The following LDB2 variants were observed in gnomAD, a reference collection of about 807,000 sequenced individuals.
LDB2 encodes LIM domain binding 2.
A neutral mutation model predicts 44.3 loss-of-function variants in LDB2; 12 were observed. That is an observed-to-expected ratio of 0.27 (90% confidence interval 0.17 to 0.44). LDB2 has a LOEUF of 0.44. LDB2 is among the 20% of genes least tolerant of loss of function. The pLI is 1.00. For missense variants in LDB2, 344 were observed against 473.5 expected (o/e 0.73, Z 2.54); for synonymous variants, 164 against 174.8 (o/e 0.94, Z 0.49).
chr4:16,791,491 G>T (rs1295146462), intron 1 of LDB2, among the ~76,000 whole-genome samples: 1 of 144,986 alleles, frequency 6.9e-6, no homozygotes, highest in East Asian at 2.1e-4. Context: ...GGAGGCGGAG[G>T]TTGCAGTGAG....
chr4:16,556,012 AT>A (rs1011880437), intron 5 of LDB2, among the ~76,000 whole-genome samples: 36 of 152,246 alleles, frequency 2.4e-4, no homozygotes, highest in African/African-American at 8.7e-4. Context: ...GAGGAGTATT[AT>A]GTTCTTCCCC....
At chr4:16,774,816 A>G (rs1398345230) in intron 1 of LDB2, among the ~76,000 whole-genome samples, 1 of 152,226 alleles carries the variant, frequency 6.6e-6, no homozygotes, top group Non-Finnish European at 1.5e-5. Context: ...ACCTAGTAAT[A>G]AAAGGTTACA....
At chr4:16,592,573 G>A (rs1490544992) in intron 3 of LDB2, among the ~76,000 whole-genome samples, 2 of 149,806 alleles carry the variant, frequency 1.3e-5, no homozygotes, top group East Asian at 3.9e-4. Flanking sequence ...AGAGTCAGGA[G>A]AAGAGAAGAA....
At chr4:16,537,844 C>T (rs762114751) in intron 5 of LDB2, among the ~76,000 whole-genome samples, 41 of 152,124 alleles carry the variant, frequency 2.7e-4, no homozygotes, top group Non-Finnish European at 4.3e-4. Flanking sequence ...GCTCCGGTTC[C>T]GCTTAGATGC....
At chr4:16,691,418 T>C (rs1376909692) in intron 2 of LDB2, among the ~76,000 whole-genome samples, 2 of 152,160 alleles carry the variant, frequency 1.3e-5, no homozygotes, top group African/African-American at 2.4e-5. Flanking sequence ...CGAAGAGAAA[T>C]AGGCTATTCT....
chr4:16,547,832 A>G (rs564491648), intron 5 of LDB2, among the ~76,000 whole-genome samples: 8 of 152,312 alleles, frequency 5.3e-5, no homozygotes, highest in Admixed American at 3.3e-4. Flanking sequence ...ATACAGGCCA[A>G]TAATAATACT....
chr4:16,727,617 A>C (rs571682947), intron 2 of LDB2, among the ~76,000 whole-genome samples: 14 of 152,324 alleles, frequency 9.2e-5, no homozygotes, highest in Non-Finnish European at 1.8e-4. Flanking sequence ...TTTGCTTTGA[A>C]GAGAGGTACT....
chr4:16,839,223 A>C (rs143184753), intron 1 of LDB2, among the ~76,000 whole-genome samples: 19 of 152,332 alleles, frequency 1.2e-4, no homozygotes, highest in Non-Finnish European at 1.3e-4. Context: ...TACTTGGCTC[A>C]TAATTCTGCT....
intron 1 of LDB2, among the ~76,000 whole-genome samples, chr4:16,812,872 T>C (rs1479769608): frequency 6.6e-6 from 1 of 152,042 alleles, no homozygotes; most frequent in Non-Finnish European, 1.5e-5. Flanking sequence ...ATGCCAACAT[T>C]TCCTCATTAA....
intron 2 of LDB2, among the ~76,000 whole-genome samples, chr4:16,731,187 A>C (rs1420375080): frequency 6.6e-6 from 1 of 152,184 alleles, no homozygotes; most frequent in Non-Finnish European, 1.5e-5. Context: ...AGTTGTTAGA[A>C]CTGGAATGGA....
At chr4:16,557,227 A>G (rs1004980996) in intron 5 of LDB2, among the ~76,000 whole-genome samples, 9 of 152,144 alleles carry the variant, frequency 5.9e-5, no homozygotes, top group Admixed American at 5.9e-4. Context: ...GTGGGTGCAG[A>G]GCACCGTGCG....
chr4:16,834,921 T>C (rs1489662687), intron 1 of LDB2, among the ~76,000 whole-genome samples: 1 of 151,878 alleles, frequency 6.6e-6, no homozygotes, highest in Non-Finnish European at 1.5e-5. Flanking sequence ...AATTGGCACA[T>C]GGAATTATTG....
chr4:16,887,982 C>T (rs1209497330), intron 1 of LDB2, among the ~76,000 whole-genome samples: 2 of 152,094 alleles, frequency 1.3e-5, no homozygotes, highest in Non-Finnish European at 2.9e-5. Flanking sequence ...AGAAAGATAC[C>T]GTATGGTACT....
intron 1 of LDB2, among the ~76,000 whole-genome samples, chr4:16,844,578 A>G (rs1786580745): frequency 6.6e-6 from 1 of 152,200 alleles, no homozygotes; most frequent in Non-Finnish European, 1.5e-5. Context: ...TAACTGGGAT[A>G]CATCCTTAAA....
At position 16,759,177 on chromosome 4, in the gene LDB2, T is replaced by C. The variant is rs1001456702; in HGVS notation, c.216A>G (p.Glu72=). Residue 72 remains glutamate (E), a synonymous_variant, in exon 2 of 8, where the codon GAA becomes GAG. Coordinates refer to ENST00000304523, the MANE Select transcript of LDB2 (RefSeq NM_001290.5). ...TCTTACTGTATCGCTTTGGTCCATC[T>C]TCCAAACAAAATGAAAGGGTTAATG... ...DATLTLSFCL[E]DGPKRYTIGR... 2 of 1,613,460 alleles carry C rather than the reference T, an allele frequency of 1.2e-6. No individual in the cohort carries two copies. Among genetic ancestry groups the C allele is most frequent in the African/African-American group, 2.7e-5 (2 of 74,940 alleles).
intron 1 of LDB2, among the ~76,000 whole-genome samples, chr4:16,818,046 T>C (rs1236622604): frequency 1.3e-5 from 2 of 152,268 alleles, no homozygotes; most frequent in East Asian, 1.9e-4. Context: ...GGGTTTAAAC[T>C]AGGTGACGCT....
At chr4:16,703,358 C>T (rs998109077) in intron 2 of LDB2, among the ~76,000 whole-genome samples, 4 of 152,114 alleles carry the variant, frequency 2.6e-5, no homozygotes, top group African/African-American at 7.2e-5. Flanking sequence ...TGCAAAGATG[C>T]GAAGGCAGGA....
chr4:16,512,949 G>C (rs1722351981), intron 5 of LDB2, among the ~76,000 whole-genome samples: 1 of 152,170 alleles, frequency 6.6e-6, no homozygotes, highest in Admixed American at 6.5e-5. Flanking sequence ...ACTGCATTGA[G>C]AATACTGTAC....
At chr4:16,851,613 A>AC (rs1788279886) in intron 1 of LDB2, among the ~76,000 whole-genome samples, 1 of 151,982 alleles carries the variant, frequency 6.6e-6, no homozygotes, top group Non-Finnish European at 1.5e-5. Context: ...AAAAATAATA[A>AC]GAAAAAAAAG....
Sources: allele counts gnomAD v4.1 joint callset (sites outside exome capture counted in the v4.1 genomes callset), GRCh38; gene constraint gnomAD v4.1.1; transcripts MANE v1.5; gene names NCBI Gene and HGNC (gene_info 2026-07-23, HGNC 2026-07-21).